The following HECW2 variants were observed in gnomAD, a reference collection of about 807,000 sequenced individuals.
HECW2 encodes the protein E3 ubiquitin-protein ligase HECW2.
Under a neutral mutation model 175.2 loss-of-function variants are expected in HECW2, and 61 were observed. That is an observed-to-expected ratio of 0.35 (90% CI 0.28 to 0.43). HECW2 has a LOEUF of 0.43. Among genes scored for constraint, HECW2 ranks in the 20% least tolerant of loss-of-function variants. The pLI is 1.00. For missense variants in HECW2, 1,524 were observed against 2,000.5 expected, an observed-to-expected ratio of 0.76 and a Z score of 4.54; for synonymous variants, 671 against 731.0, an observed-to-expected ratio of 0.92 and a Z score of 1.32.
chr2:196,438,732 T>C (rs572945034), intron 1 of HECW2, among the ~76,000 whole-genome samples: 14 of 152,372 alleles, frequency 9.2e-5, no homozygotes, highest in African/African-American at 3.1e-4. Flanking sequence ...AAATCTCTAA[T>C]AGGAATCATT....
chr2:196,566,699 ATTTT>A (rs58391487), intron 1 of HECW2, among the ~76,000 whole-genome samples: 17 of 94,198 alleles, frequency 1.8e-4, no homozygotes, highest in African/African-American at 6.2e-4. Context: ...CACCCAGCTA[ATTTT>A]TTTTTTTTTT....
intron 1 of HECW2, among the ~76,000 whole-genome samples, chr2:196,480,232 C>CACGA (rs1686794778): frequency 6.6e-6 from 1 of 152,180 alleles, no homozygotes; most frequent in Non-Finnish European, 1.5e-5. Context: ...GCTTTGCCAA[C>CACGA]TTCTTTAATA....
chr2:196,325,525 C>T (rs1692117659), intron 5 of HECW2, among the ~76,000 whole-genome samples: 1 of 152,160 alleles, frequency 6.6e-6, no homozygotes, highest in Non-Finnish European at 1.5e-5. Context: ...GCATCTTCAC[C>T]ACCTTTTTCC....
Position 196,557,746 on chromosome 2 carries a change from A to T in HECW2, c.-36+35762T>A, listed in dbSNP as rs1689856428. On this transcript the variant is annotated intron_variant, in intron 1 of 28. Transcript: ENST00000644978. ...AATGAGTGAAAAATGCAAGTTTAAAACTACTACAATTTTGATTTGCTTATG... is the reference window on the plus strand; with the variant it reads ...AATGAGTGAAAAATGCAAGTTTAAATCTACTACAATTTTGATTTGCTTATG... 2.0e-5 allele frequency among the ~76,000 whole-genome samples: 3 copies of T among 152,230 alleles called. No homozygotes were observed. In the South Asian group the frequency reaches 6.2e-4, roughly 31 times the overall value.
At chr2:196,478,699 C>T (rs1441336555) in intron 1 of HECW2, among the ~76,000 whole-genome samples, 1 of 152,024 alleles carries the variant, frequency 6.6e-6, no homozygotes, top group East Asian at 1.9e-4. Context: ...AGCAATCCAG[C>T]CCTACAATGG....
At chr2:196,290,417 T>A (rs1011542914) in intron 14 of HECW2, 15 of 152,348 alleles carry the variant, frequency 9.8e-5, no homozygotes, top group African/African-American at 3.4e-4. Flanking sequence ...ACCTCTCTCC[T>A]AAAGTGTGTC....
chr2:196,216,904 C>T (rs1687494574), intron 27 of HECW2, 104 bp downstream of exon 27: 1 of 729,856 alleles, frequency 1.4e-6, no homozygotes, highest in Non-Finnish European at 2.2e-6. Flanking sequence ...TTTCCAGATA[C>T]ACATGGTATG....
chr2:196,324,329 T>A (rs979286952), intron 6 of HECW2, among the ~76,000 whole-genome samples: 5 of 152,138 alleles, frequency 3.3e-5, no homozygotes, highest in African/African-American at 9.7e-5. Context: ...GTAGTTCAAA[T>A]GAGAAAACCC....
In HECW2 at chr2:196,348,150, G is replaced by A. The variant is rs1025395577; in HGVS notation, c.293-4386C>T. On this transcript the variant is annotated intron_variant, in intron 2 of 28. Transcript: ENST00000644978. ...ATTTTTTGTTCACATCTTTGTTTAC[G>A]TTGCAGTCAATTTTGGTCTAGCCTG... Among the ~76,000 whole-genome samples, 6 of 152,136 alleles carry A rather than the reference G, an allele frequency of 3.9e-5. No individual in the cohort carries two copies. The East Asian group carries it at 9.6e-4, about 24-fold the overall frequency.
chr2:196,267,143 C>T (rs1689549046), intron 17 of HECW2, among the ~76,000 whole-genome samples: 1 of 152,098 alleles, frequency 6.6e-6, no homozygotes, highest in Non-Finnish European at 1.5e-5. Context: ...GAGAGCTGGA[C>T]TAGTAGGGAA....
intron 1 of HECW2, among the ~76,000 whole-genome samples, chr2:196,543,615 A>C (rs1344507766): frequency 6.7e-6 from 1 of 148,814 alleles, no homozygotes; most frequent in Non-Finnish European, 1.5e-5. Context: ...TTCTTTTTTT[A>C]TTTTTTTTTT....
chr2:196,220,699 C>A, intron 25 of HECW2, 96 bp downstream of exon 25: 2 of 1,296,146 alleles, frequency 1.5e-6, no homozygotes, highest in Non-Finnish European at 1.1e-6. Context: ...ACAGTAAATA[C>A]AGCAGAAATA....
At chr2:196,302,108 C>A (rs776403463) in intron 13 of HECW2, among the ~76,000 whole-genome samples, 2 of 152,136 alleles carry the variant, frequency 1.3e-5, no homozygotes, top group African/African-American at 2.4e-5. Context: ...ATATGGCTAG[C>A]CAGTTCTCCC....
chr2:196,254,920 A>C (rs1006541280), intron 18 of HECW2, among the ~76,000 whole-genome samples: 1 of 145,692 alleles, frequency 6.9e-6, no homozygotes, highest in African/African-American at 2.5e-5. Flanking sequence ...CCATTTTTCT[A>C]TTGGGTTCTC....
intron 1 of HECW2, among the ~76,000 whole-genome samples, chr2:196,555,483 G>A (rs536040945): frequency 1.3e-5 from 2 of 152,188 alleles, no homozygotes; most frequent in Non-Finnish European, 2.9e-5. Flanking sequence ...AATTGGTGGT[G>A]TGGGGACACA....
intron 19 of HECW2, among the ~76,000 whole-genome samples, chr2:196,252,836 C>T (rs1688908274): frequency 6.6e-6 from 1 of 152,148 alleles, no homozygotes; most frequent in Non-Finnish European, 1.5e-5. Context: ...TTCAAGGTTC[C>T]ACTTCATATT....
chr2:196,353,037 A>G (rs577071293), intron 2 of HECW2, among the ~76,000 whole-genome samples: 296 of 152,288 alleles, frequency 1.9e-3, no homozygotes, highest in African/African-American at 6.6e-3. Context: ...TGCAGTGTCC[A>G]CAGGACATGG....
intron 1 of HECW2, among the ~76,000 whole-genome samples, chr2:196,487,395 C>T (rs1038640709): frequency 2.0e-5 from 3 of 152,140 alleles, no homozygotes; most frequent in African/African-American, 7.2e-5. Context: ...GGGTAATTAT[C>T]GCTCCATCCC....
intron 21 of HECW2, among the ~76,000 whole-genome samples, chr2:196,237,218 G>T (rs6734574): frequency 0.16 from 24,385 of 151,978 alleles, 2,946 homozygotes; most frequent in African/African-American, 0.33. Context: ...CAATAGATTT[G>T]TGGGGAACAG....
Sources: gnomAD v4.1 joint callset for allele counts (sites outside exome capture counted in the v4.1 genomes callset) on GRCh38, gnomAD v4.1.1 for gene constraint, MANE v1.5 for transcripts, NCBI Gene and HGNC (gene_info 2026-07-23, HGNC 2026-07-21) for gene names.